Variants in PTPRS observed in about 807,000 individuals in gnomAD.
PTPRS encodes receptor-type tyrosine-protein phosphatase S.
In PTPRS, 63 loss-of-function variants were observed where a neutral mutation model predicts 215.3. The ratio of observed to expected loss-of-function variants is 0.29; its 90% CI spans 0.24 to 0.36. The LOEUF is 0.36. PTPRS is among the 10% of genes least tolerant of loss of function. The probability of loss-of-function intolerance (pLI) is 1.00; values close to 1 mark genes in which losing one functional copy is unlikely to be tolerated. For synonymous variants in PTPRS, 1,404 were observed against 1,191.4 expected (o/e 1.18, Z -3.68); for missense variants, 2,258 against 2,825.8 (o/e 0.80, Z 4.56).
intron 13 of PTPRS, among the ~76,000 whole-genome samples, chr19:5,238,002 T>C (rs1010936166): frequency 2.6e-5 from 4 of 151,854 alleles, no homozygotes; most frequent in Admixed American, 2.0e-4. Flanking sequence ...TTGACCATCA[T>C]GACTGATTCT....
chr19:5,316,824 C>T (rs923448079), intron 1 of PTPRS, among the ~76,000 whole-genome samples: 16 of 152,058 alleles, frequency 1.1e-4, no homozygotes, highest in Non-Finnish European at 2.1e-4. Context: ...CCACCACACC[C>T]GGCTGTGATT....
At chr19:5,251,490 A>G (rs964177945) in intron 9 of PTPRS, among the ~76,000 whole-genome samples, 1 of 131,720 alleles carries the variant, frequency 7.6e-6, no homozygotes, top group Non-Finnish European at 1.6e-5. Context: ...TTTTTCCCCC[A>G]GTTCTGGCCA....
chr19:5,319,229 T>C (rs1432634646), intron 1 of PTPRS, among the ~76,000 whole-genome samples: 3 of 152,032 alleles, frequency 2.0e-5, no homozygotes, highest in Admixed American at 2.0e-4. Flanking sequence ...CTGACCAACA[T>C]GGCAAAACCC....
rs994843397 is a variant in PTPRS at position 5,295,935 on chromosome 19, T to A, written c.-94-9701A>T. ...ACGTCTGGCTAATTTTTGGATTTTTTTGTAGACATGGGATCTCCCCATGTT... is the reference window on the plus strand; with the variant it reads ...ACGTCTGGCTAATTTTTGGATTTTTATGTAGACATGGGATCTCCCCATGTT... On this transcript the variant is annotated intron_variant, in intron 1 of 37. Transcript: ENST00000262963. This position sits in a 1 kb window ranked among gnomAD's most constrained non-coding sequence, Gnocchi z 4.6. Among the ~76,000 whole-genome samples, 6 of 152,104 alleles carry A rather than the reference T, an allele frequency of 3.9e-5. No homozygotes were observed. Among genetic ancestry groups the A allele is most frequent in the African/African-American group, 1.4e-4 (6 of 41,432 alleles).
In PTPRS at chr19:5,215,350, C is replaced by T; in HGVS notation, c.4257G>A (p.Lys1419=). 3 of 1,614,132 alleles carry T rather than the reference C, an allele frequency of 1.9e-6. No homozygotes were observed. The highest frequency in any genetic ancestry group is 2.5e-6 in the Non-Finnish European group (3 of 1,180,024). ...AGGCGATGACGTTGGCATAGCGGTT[C>T]TTCGGCTTGTTCACTTCCAGGTTGG... ...EHSNLEVNKP[K]NRYANVIAYD... The change falls in exon 28 of 38, where the codon AAG becomes AAA. Residue 1419 remains lysine, a synonymous_variant. Coordinates refer to ENST00000262963, the MANE Select transcript of PTPRS (RefSeq NM_002850.4).
rs970085527 is a variant in PTPRS at position 5,243,763 on chromosome 19, C to G, written c.1570+138G>C. ...CTGAGATTACAGGCGTAAACCACCA[C>G]ACCCGGCCTAAATGCTAGCATGAAA... On this transcript the variant is annotated intron_variant, in intron 11 of 37. Coordinates refer to ENST00000262963, the MANE Select transcript of PTPRS (RefSeq NM_002850.4). 3.4e-6 allele frequency: 3 copies of G among 870,206 alleles called. No individual in the cohort carries two copies. In the African/African-American group the frequency reaches 5.2e-5, roughly 15 times the overall value. The allele number at this position is 870,206 out of a possible 1,614,324, so 53.9% of individuals were successfully genotyped here.
intron 4 of PTPRS, chr19:5,273,098 T>C (rs2047059708): frequency 9.6e-6 from 3 of 313,108 alleles, no homozygotes; most frequent in Non-Finnish European, 1.2e-5. Context: ...CAGCTGAACC[T>C]GAAGCCAGCC....
intron 13 of PTPRS, among the ~76,000 whole-genome samples, chr19:5,235,287 AAGGGCTTTATTGGAT>A (rs1186136185): frequency 6.6e-6 from 1 of 152,056 alleles, no homozygotes; most frequent in African/African-American, 2.4e-5. Context: ...GCATCGTGCT[AAGGGCTTTATTGGAT>A]AACTGTAACA....
intron 30 of PTPRS, among the ~76,000 whole-genome samples, chr19:5,213,609 C>A (rs2041135289): frequency 6.6e-6 from 1 of 152,140 alleles, no homozygotes; most frequent in Non-Finnish European, 1.5e-5. Context: ...CTGTTGTGTG[C>A]TTGTGTCCAG....
chr19:5,286,199 G>C lies in PTPRS; in HGVS notation c.-59C>G. 6.3e-7 allele frequency: 1 copy of C among 1,580,150 alleles called. No homozygotes were observed. Among genetic ancestry groups the C allele is most frequent in the Non-Finnish European group, 8.6e-7 (1 of 1,160,016 alleles). ...GGGGATGGCCCCCCGGTCCCTCACA[G>C]AGAGGCCTCGAGCCGAGCGTCAGAT... On this transcript the variant is annotated 5_prime_UTR_variant, in exon 2 of 38. Transcript: ENST00000262963.
rs1009948692 is a variant in PTPRS, at chr19:5,247,714, G to C, written c.719-1669C>G. Among the ~76,000 whole-genome samples the C allele has an allele frequency of 2.0e-5, 3 of 152,134 alleles. No homozygotes were observed. In the East Asian group the frequency reaches 5.8e-4, roughly 30 times the overall value. On this transcript the variant is annotated intron_variant, in intron 9 of 37. Transcript: ENST00000262963. Reference sequence around the variant, plus strand: ...GGTCTCAGGGGGTCTGGTCTACGATGCTGAGGAGGAGGTTCAAGGGGATAA... The same window carrying C: ...GGTCTCAGGGGGTCTGGTCTACGATCCTGAGGAGGAGGTTCAAGGGGATAA...
At chr19:5,282,929 GT>G (rs2047990910) in intron 2 of PTPRS, among the ~76,000 whole-genome samples, 1 of 152,186 alleles carries the variant, frequency 6.6e-6, no homozygotes, top group Admixed American at 6.5e-5. Context: ...GGGGTTGGGG[GT>G]CTTTATTGAC....
intron 7 of PTPRS, 84 bp from the exon 8 acceptor site, chr19:5,258,211 T>TGGTGGG: frequency 8.6e-7 from 1 of 1,162,332 alleles, no homozygotes; most frequent in Non-Finnish European, 1.3e-6. Context: ...GAGTGCTCTC[T>TGGTGGG]GGCCTGTCTC....
At chr19:5,314,483 A>G (rs2049808954) in intron 1 of PTPRS, among the ~76,000 whole-genome samples, 1 of 152,094 alleles carries the variant, frequency 6.6e-6, no homozygotes, top group African/African-American at 2.4e-5. Flanking sequence ...AGAGCCAATC[A>G]ACTCCCCAGC....
At position 5,295,474 on chromosome 19, in the gene PTPRS, C is replaced by A. The variant is rs764103511; in HGVS notation, c.-94-9240G>T. Among the ~76,000 whole-genome samples, 1 of 152,048 alleles carries A rather than the reference C, an allele frequency of 6.6e-6. No homozygotes were observed. Among genetic ancestry groups the A allele is most frequent in the Admixed American group, 6.6e-5 (1 of 15,222 alleles). On this transcript the variant is annotated intron_variant, in intron 1 of 37. Transcript: ENST00000262963. The surrounding 1 kb of genome is among the most constrained non-coding windows in gnomAD (Gnocchi z 4.6). The stretch of plus-strand genomic sequence containing the variant: ...GGGGAGGTGGGCCAGGTGCCCTCCC[C>A]CTTGGCTGGGTGGCCCCATCAGCAC...
At chr19:5,212,705 T>G (rs778147920) in intron 30 of PTPRS, among the ~76,000 whole-genome samples, 46 of 152,156 alleles carry the variant, frequency 3.0e-4, no homozygotes, top group Non-Finnish European at 6.0e-4. Context: ...TAGCTAGGCA[T>G]GGTGGTGCAT....
rs1568632809 is a variant in PTPRS, at chr19:5,340,672, TGGCTG to T, written c.-108_-104del. The T allele has an allele frequency of 1.3e-5, 2 of 149,638 alleles. No individual in the cohort carries two copies. Among genetic ancestry groups the T allele is most frequent in the Non-Finnish European group, 3.0e-5 (2 of 67,596 alleles). 9.3% of individuals were successfully genotyped at this position (149,638 alleles called of 1,614,324 possible). A position where few individuals can be genotyped will look rare whatever the true frequency, so the allele number is the denominator to read the frequency against. Reference sequence around the variant, plus strand: ...TTTTTTTTTGGCTTTACCTGGAGGCTGGCTGGGCTGGGCTCCCCCGGCTCTGCCCC... The same window carrying T: ...TTTTTTTTTGGCTTTACCTGGAGGCTGGCTGGGCTCCCCCGGCTCTGCCCC... On this transcript the variant is annotated 5_prime_UTR_variant, in exon 1 of 38. It removes the in-frame stop codon of an upstream open reading frame in the 5' UTR. Coordinates refer to ENST00000262963, the MANE Select transcript of PTPRS (RefSeq NM_002850.4).
chr19:5,229,694 G>A lies in PTPRS; in HGVS notation c.2156-10C>T. On this transcript the variant is annotated splice_polypyrimidine_tract_variant and intron_variant, in intron 14 of 37. Transcript: ENST00000262963. ...GGCGGCGCGCTGGGCACTGGCGGGC[G>A]GGAGGGGAGGGGAGGGGCGGGCGGA... is the stretch of plus-strand genomic sequence containing the variant. The A allele has an allele frequency of 5.7e-6, 7 of 1,219,008 alleles. No homozygotes were observed. In the East Asian group the frequency reaches 1.0e-4, roughly 17 times the overall value. The allele number at this position is 1,219,008 out of a possible 1,614,324, so 75.5% of individuals were successfully genotyped here. A position where few individuals can be genotyped will look rare whatever the true frequency, so the allele number is the denominator to read the frequency against.
intron 2 of PTPRS, among the ~76,000 whole-genome samples, chr19:5,279,769 A>AC (rs2047694002): frequency 6.6e-6 from 1 of 151,504 alleles, no homozygotes; most frequent in Admixed American, 6.6e-5. Flanking sequence ...TGCAAGCTTC[A>AC]CCTCCCGGAT....
Sources: allele counts gnomAD v4.1 joint callset (sites outside exome capture counted in the v4.1 genomes callset), GRCh38; gene constraint gnomAD v4.1.1; non-coding constraint Gnocchi (gnomAD v3.1); transcripts MANE v1.5; gene names NCBI Gene and HGNC (gene_info 2026-07-23, HGNC 2026-07-21).